Variants in EZH1 observed in about 807,000 individuals in gnomAD.
EZH1 encodes the protein enhancer of zeste 1 polycomb repressive complex 2 subunit.
EZH1 carries 33 observed loss-of-function variants against 100.5 expected under a neutral mutation model. The ratio of observed to expected loss-of-function variants is 0.33; its 90% CI spans 0.25 to 0.44. The LOEUF is 0.44. EZH1 is among the 20% of genes least tolerant of loss of function. The pLI is 1.00. For synonymous variants in EZH1, 272 were observed against 313.8 expected, an observed-to-expected ratio of 0.87 and a Z score of 1.41; for missense variants, 475 against 928.4, an observed-to-expected ratio of 0.51 and a Z score of 6.35.
chr17:42,728,465 G>A (rs1486399066), intron 3 of EZH1, among the ~76,000 whole-genome samples: 4 of 149,770 alleles, frequency 2.7e-5, no homozygotes, highest in Non-Finnish European at 5.9e-5. Context: ...CCCTGGGCCA[G>A]GCGCGGTGGC....
At chr17:42,717,404 A>G (rs2053627200) in intron 10 of EZH1, among the ~76,000 whole-genome samples, 1 of 152,156 alleles carries the variant, frequency 6.6e-6, no homozygotes, top group African/African-American at 2.4e-5. Flanking sequence ...TTATCAAGGT[A>G]TTTTATTCAT....
In EZH1 at chr17:42,706,103, A is replaced by G; in HGVS notation, c.1743T>C (p.Cys581=). Residue 581 remains cysteine, a synonymous_variant, in exon 16 of 21, where the codon TGT becomes TGC. Coordinates refer to ENST00000428826, the MANE Select transcript of EZH1 (RefSeq NM_001991.5). This position sits in a 1 kb window ranked among gnomAD's most constrained non-coding sequence, Gnocchi z 4.4. ...QCPCYLAVRE[C]DPDLCLTCGA... is the part of the protein sequence containing the mutation. ...CACAGGTGAGACACAGGTCAGGGTCACATTCTCGCACTGCCAGATAGCAAG... is the reference window on the plus strand; with the variant it reads ...CACAGGTGAGACACAGGTCAGGGTCGCATTCTCGCACTGCCAGATAGCAAG... 6.2e-7 allele frequency: 1 copy of G among 1,614,162 alleles called. No homozygotes were observed. Among genetic ancestry groups the G allele is most frequent in the Non-Finnish European group, 8.5e-7 (1 of 1,180,010 alleles).
chr17:42,735,988 A>T (rs1414240519), intron 1 of EZH1, among the ~76,000 whole-genome samples: 1 of 152,230 alleles, frequency 6.6e-6, no homozygotes, highest in Non-Finnish European at 1.5e-5. Flanking sequence ...GTCTCAAAAA[A>T]AAAAAGAGCA....
At position 42,714,455 on chromosome 17, in the gene EZH1, C is replaced by T. The variant is rs907578395; in HGVS notation, c.1024-1066G>A. On this transcript the variant is annotated intron_variant, in intron 10 of 20. Transcript: ENST00000428826. ...CATGTGGCGTGTGCCCAGCAGACTT[C>T]GGGGGGTTTGTGCTATGAGACCTAA... 12 of 310,864 alleles carry T rather than the reference C, an allele frequency of 3.9e-5. No individual in the cohort carries two copies. The East Asian group carries it at 6.0e-4, about 15-fold the overall frequency. 19.3% of individuals were successfully genotyped at this position (310,864 alleles called of 1,614,324 possible). A position where few individuals can be genotyped will look rare whatever the true frequency, so the allele number is the denominator to read the frequency against.
At chr17:42,726,884 C>T (rs899851846) in intron 4 of EZH1, among the ~76,000 whole-genome samples, 2 of 151,914 alleles carry the variant, frequency 1.3e-5, no homozygotes, top group African/African-American at 2.4e-5. Context: ...CAGTCTCACT[C>T]TTTCACCCAG....
rs12936848 is a variant in EZH1, at chr17:42,730,798, G to A, written c.-12+30C>T. The A allele has an allele frequency of 1.5e-5, 14 of 963,044 alleles. No homozygotes were observed. In the African/African-American group the frequency reaches 2.3e-4, roughly 16 times the overall value. 59.7% of individuals were successfully genotyped at this position (963,044 alleles called of 1,614,324 possible). A position where few individuals can be genotyped will look rare whatever the true frequency, so the allele number is the denominator to read the frequency against. On this transcript the variant is annotated intron_variant, in intron 2 of 20. Coordinates refer to ENST00000428826, the MANE Select transcript of EZH1 (RefSeq NM_001991.5). ...GGCGTGAGCCACCGCGCCCGGCCAA[G>A]AAGTATGTATTCTAATATACTTTAC... is the stretch of plus-strand genomic sequence containing the variant.
chr17:42,738,878 AC>A (rs957587572), intron 1 of EZH1, among the ~76,000 whole-genome samples: 6 of 141,882 alleles, frequency 4.2e-5, no homozygotes, highest in African/African-American at 1.1e-4. Context: ...TCTTGCCTCC[AC>A]CCCCCCTGAG....
intron 10 of EZH1, among the ~76,000 whole-genome samples, chr17:42,717,010 G>C (rs1402791007): frequency 6.6e-6 from 1 of 152,094 alleles, no homozygotes; most frequent in Non-Finnish European, 1.5e-5. Context: ...AAAACATGGA[G>C]TAATTTTAAA....
At chr17:42,710,782 C>CTTTTT (rs5820471) in intron 12 of EZH1, among the ~76,000 whole-genome samples, 7 of 107,568 alleles carry the variant, frequency 6.5e-5, no homozygotes, top group African/African-American at 1.5e-4. Context: ...AGGTACGTGG[C>CTTTTT]TTTTTTTTTT....
At chr17:42,713,566 G>A (rs575547578) in intron 10 of EZH1, among the ~76,000 whole-genome samples, 177 bp from the exon 11 acceptor site, 4 of 152,160 alleles carry the variant, frequency 2.6e-5, no homozygotes, top group East Asian at 1.9e-4. Flanking sequence ...CAAAACTTAC[G>A]TACTTTTTCA....
intron 1 of EZH1, among the ~76,000 whole-genome samples, chr17:42,735,368 T>C: frequency 7.1e-6 from 1 of 140,346 alleles, no homozygotes; most frequent in East Asian, 2.1e-4. Flanking sequence ...ATATCAAAGT[T>C]AAAAAAAAAA....
chr17:42,724,460 G>A (rs766510404), intron 4 of EZH1, 36 bp from the exon 5 acceptor site: 92 of 1,607,398 alleles, frequency 5.7e-5, no homozygotes, highest in East Asian at 1.3e-4. Flanking sequence ...AGGGAAAGAC[G>A]GGCATATAAC....
intron 2 of EZH1, among the ~76,000 whole-genome samples, 176 bp downstream of exon 2, chr17:42,730,652 A>G (rs1339311217): frequency 6.7e-6 from 1 of 150,230 alleles, no homozygotes; most frequent in Non-Finnish European, 1.5e-5. Context: ...GCCCGCTACC[A>G]CGCCCGGCTA....
intron 4 of EZH1, among the ~76,000 whole-genome samples, chr17:42,725,870 C>T (rs1567999153): frequency 6.6e-6 from 1 of 151,970 alleles, no homozygotes; most frequent in Non-Finnish European, 1.5e-5. Context: ...GCTCTCAATA[C>T]ACTATCTGCT....
chr17:42,729,100 G>T, intron 2 of EZH1, 148 bp from the exon 3 acceptor site: 1 of 738,386 alleles, frequency 1.4e-6, no homozygotes. Flanking sequence ...AAATGTGTGA[G>T]TTCAACAGAA....
At chr17:42,730,419 A>C (rs1235504323) in intron 2 of EZH1, among the ~76,000 whole-genome samples, 1 of 151,758 alleles carries the variant, frequency 6.6e-6, no homozygotes, top group Non-Finnish European at 1.5e-5. Flanking sequence ...ATATGGAAAT[A>C]GATAGCAATG....
intron 20 of EZH1, 71 bp downstream of exon 20, chr17:42,702,806 C>T: frequency 6.5e-7 from 1 of 1,542,498 alleles, no homozygotes; most frequent in African/African-American, 1.4e-5. Flanking sequence ...CCCTGAGCCC[C>T]CAAATCTATT....
At chr17:42,732,070 G>A (rs2053961620) in intron 1 of EZH1, among the ~76,000 whole-genome samples, 1 of 151,232 alleles carries the variant, frequency 6.6e-6, no homozygotes, top group African/African-American at 2.4e-5. Context: ...AGTGAGCCAT[G>A]ATTGTACCAC....
chr17:42,728,566 C>T (rs951986703), intron 3 of EZH1, among the ~76,000 whole-genome samples: 3 of 151,036 alleles, frequency 2.0e-5, no homozygotes, highest in African/African-American at 7.3e-5. Flanking sequence ...ATGGTGAAAC[C>T]CCATCTCTAC....
Sources: gnomAD v4.1 joint callset for allele counts (sites outside exome capture counted in the v4.1 genomes callset) on GRCh38, gnomAD v4.1.1 for gene constraint, Gnocchi (gnomAD v3.1) non-coding constraint, MANE v1.5 for transcripts, NCBI Gene and HGNC (gene_info 2026-07-23, HGNC 2026-07-21) for gene names.